SLC12A5: variants seen among roughly 807,000 people sequenced by gnomAD.
SLC12A5 encodes solute carrier family 12 member 5.
Under a neutral mutation model 124.0 loss-of-function variants are expected in SLC12A5, and 18 were observed. The ratio of observed to expected loss-of-function variants is 0.15; its 90% CI spans 0.10 to 0.22. The LOEUF (loss-of-function observed/expected upper bound fraction) is 0.22, where lower values mean the gene tolerates loss of function less well. Among genes scored for constraint, SLC12A5 ranks in the 10% least tolerant of loss-of-function variants. The pLI, the probability that SLC12A5 is intolerant of heterozygous loss-of-function variation, is 1.00. For missense variants in SLC12A5, 867 were observed against 1,478.7 expected (o/e 0.59, Z 6.78); for synonymous variants, 589 against 568.0 (o/e 1.04, Z -0.53).
rs1568866957 is a variant in SLC12A5 at position 46,051,782 on chromosome 20, CG to C, written c.2295del (p.Leu766CysfsTer38). On this transcript the variant is annotated frameshift_variant, in exon 18 of 26. Transcript: ENST00000243964. LOFTEE classifies it high-confidence loss of function. Reference sequence around the variant, plus strand: ...CCCATCTGATCCAGTCCGGGGGCCTCGGGGGGCTGCAGCACAACACTGTGCT... The same window carrying C: ...CCCATCTGATCCAGTCCGGGGGCCTCGGGGGCTGCAGCACAACACTGTGCT... ...VSHLIQSGGLGGLQHNTVLVG... is the reference protein window; with the variant it reads ...VSHLIQSGGLXGLQHNTVLVG... 6.2e-7 allele frequency: 1 copy of C among 1,606,662 alleles called. No homozygotes were observed. The highest frequency in any genetic ancestry group is 1.7e-5 in the Admixed American group (1 of 58,898).
chr20:46,043,377 A>G, intron 9 of SLC12A5, 54 bp downstream of exon 9: 1 of 1,577,620 alleles, frequency 6.3e-7, no homozygotes, highest in Non-Finnish European at 8.7e-7. Context: ...TGGGGAAGAG[A>G]GAGTCGATGA....
chr20:46,024,599 G>A (rs1275919114), upstream of SLC12A5, among the ~76,000 whole-genome samples: 1 of 152,250 alleles, frequency 6.6e-6, no homozygotes, highest in Non-Finnish European at 1.5e-5. Flanking sequence ...GGGAGATGGT[G>A]TGGGTGTGTA....
upstream of SLC12A5, among the ~76,000 whole-genome samples, chr20:46,027,501 C>T (rs11908352): frequency 1.3e-5 from 2 of 151,980 alleles, no homozygotes; most frequent in African/African-American, 4.8e-5. Flanking sequence ...ATATGAATGG[C>T]TCTTTAGGAT....
chr20:46,039,770 T>C (rs1439418976), intron 6 of SLC12A5, among the ~76,000 whole-genome samples: 1 of 149,958 alleles, frequency 6.7e-6, no homozygotes, highest in African/African-American at 2.5e-5. Flanking sequence ...AACAAAACTT[T>C]ATTTCAAAAA....
downstream of SLC12A5, among the ~76,000 whole-genome samples, chr20:46,023,953 G>C (rs868774644): frequency 6.6e-6 from 1 of 151,996 alleles, no homozygotes; most frequent in Non-Finnish European, 1.5e-5. Flanking sequence ...CTCTTCTCTC[G>C]CTCCTCATCC....
rs750318221 is a variant in SLC12A5, at chr20:46,041,360, C to T, written c.886C>T (p.Arg296Cys). Residue 296 changes from arginine to cysteine, a missense_variant, in exon 8 of 26, where the codon CGC (arginine) becomes TGC (cysteine). Physicochemically the swap from Arg to Cys is radical, Grantham distance 180. Around this residue, in one of 9 missense-constraint regions of SLC12A5, gnomAD observed 127 missense variants for 164.1 expected, o/e 0.77. Transcript: ENST00000243964. The part of the protein sequence containing the change: ...ICLLGNRTLS[R>C]HGFDVCAKLA... ...CCTCCTGGGTAACCGCACGCTGTCT[C>T]GCCATGGCTTTGATGTCTGTGCCAA... 2 of 1,614,120 alleles carry T rather than the reference C, an allele frequency of 1.2e-6. No homozygotes were observed. The highest frequency in any genetic ancestry group is 1.7e-6 in the Non-Finnish European group (2 of 1,180,018).
intron 1 of SLC12A5, among the ~76,000 whole-genome samples, chr20:46,031,897 C>A (rs1243834626): frequency 2.0e-5 from 3 of 152,360 alleles, no homozygotes; most frequent in South Asian, 2.1e-4. Flanking sequence ...GGGCGAGTTT[C>A]CCCTTAGCTG....
chr20:46,045,041 A>C lies in SLC12A5; in HGVS notation c.1470A>C (p.Gly490=). Residue 490 remains glycine, a synonymous_variant, in exon 12 of 26, where the codon GGA becomes GGC. Transcript: ENST00000243964. The surrounding 1 kb of genome is among the most constrained non-coding windows in gnomAD (Gnocchi z 4.9). ...AWPSPWVIVI[G]SFFSTCGAGL... ...CATCTCCATGGGTAATTGTCATCGG[A>C]TCCTTCTTCTCCACCTGTGGGGCTG... 1 of 1,613,984 alleles carries C rather than the reference A, an allele frequency of 6.2e-7. No homozygotes were observed. The highest frequency in any genetic ancestry group is 8.5e-7 in the Non-Finnish European group (1 of 1,179,990).
Position 46,057,086 on chromosome 20 carries a change from C to A in SLC12A5, c.3126-84C>A. The stretch of plus-strand genomic sequence containing the variant: ...CTTGCAAGAACCAGTCCCCAGCAGC[C>A]CAGTTCGGGCTGGAAGGGCGACTGG... On this transcript the variant is annotated intron_variant, in intron 24 of 25. Transcript: ENST00000243964. The surrounding 1 kb of genome is among the most constrained non-coding windows in gnomAD (Gnocchi z 7.1). 1 of 1,601,972 alleles carries A rather than the reference C, an allele frequency of 6.2e-7. No homozygotes were observed. Among genetic ancestry groups the A allele is most frequent in the Non-Finnish European group, 8.5e-7 (1 of 1,171,200 alleles).
chr20:46,041,207 C>A, intron 7 of SLC12A5, 122 bp from the exon 8 acceptor site: 4 of 734,732 alleles, frequency 5.4e-6, no homozygotes, highest in Admixed American at 2.9e-5. Flanking sequence ...TTAAATTAAA[C>A]GAGGAACTCT....
intron 5 of SLC12A5, 94 bp downstream of exon 5, chr20:46,036,889 T>G: frequency 1.3e-6 from 2 of 1,481,684 alleles, no homozygotes; most frequent in South Asian, 2.3e-5. Context: ...CCAAGAGAGA[T>G]AATATTCTAG....
upstream of SLC12A5, chr20:46,029,023 G>A (rs926155767): frequency 6.5e-6 from 5 of 774,272 alleles, no homozygotes; most frequent in African/African-American, 3.7e-5. Context: ...TTTGTGCAAG[G>A]GGGCCACTAG....
downstream of SLC12A5, among the ~76,000 whole-genome samples, chr20:46,024,141 CTGTG>C (rs3222615): frequency 0.011 from 1,637 of 147,694 alleles, 21 homozygotes; most frequent in South Asian, 0.018. Flanking sequence ...GTGGCAGAGG[CTGTG>C]TGTGTGTGTG....
intron 20 of SLC12A5, among the ~76,000 whole-genome samples, chr20:46,054,618 C>G (rs1248490408): frequency 6.6e-6 from 1 of 152,204 alleles, no homozygotes; most frequent in Non-Finnish European, 1.5e-5. Context: ...TTCCCTTCTC[C>G]ATTCACCCAG....
chr20:46,027,312 A>G (rs1396822942), upstream of SLC12A5, among the ~76,000 whole-genome samples: 1 of 152,204 alleles, frequency 6.6e-6, no homozygotes, highest in Non-Finnish European at 1.5e-5. Flanking sequence ...CAAAAAACCA[A>G]GTGGCAGCGA....
In SLC12A5 at chr20:46,047,589, G is replaced by A. The variant is rs1178059491; in HGVS notation, c.1907+16G>A. The A allele has an allele frequency of 6.2e-7, 1 of 1,610,458 alleles. No homozygotes were observed. The highest frequency in any genetic ancestry group is 1.3e-5 in the African/African-American group (1 of 74,816). The stretch of plus-strand genomic sequence containing the variant: ...AGTACCGTGGGTGAGTGTGGGGAGT[G>A]GAGGTTGGGGTGGCTGGGGAAGGCT... On this transcript the variant is annotated intron_variant, in intron 15 of 25. Transcript: ENST00000243964.
At chr20:46,048,740 G>C (rs539287781) in intron 16 of SLC12A5, among the ~76,000 whole-genome samples, 1 of 151,978 alleles carries the variant, frequency 6.6e-6, no homozygotes, top group Non-Finnish European at 1.5e-5. Flanking sequence ...GCATGGTGGC[G>C]TGCACCTGTA....
intron 16 of SLC12A5, among the ~76,000 whole-genome samples, chr20:46,049,024 G>A (rs2084625263): frequency 2.0e-5 from 3 of 152,158 alleles, no homozygotes; most frequent in Non-Finnish European, 2.9e-5. Context: ...CAAGAGTAGA[G>A]CCTGAAACCC....
At chr20:46,055,738 G>A (rs1013686749) in intron 21 of SLC12A5, 8 of 211,342 alleles carry the variant, frequency 3.8e-5, no homozygotes, top group Non-Finnish European at 7.7e-5. Context: ...TTATCAGAAT[G>A]TGGTTGATGG....
Sources: gnomAD v4.1 joint callset for allele counts (sites outside exome capture counted in the v4.1 genomes callset) on GRCh38, gnomAD v4.1.1 for gene constraint, gnomAD v4.1.1 regional missense constraint, Gnocchi (gnomAD v3.1) non-coding constraint, MANE v1.5 for transcripts, NCBI Gene and HGNC (gene_info 2026-07-23, HGNC 2026-07-21) for gene names.